Variants in CSMD1 observed in about 807,000 individuals in gnomAD.
The protein encoded by CSMD1 is CUB and sushi domain-containing protein 1.
A neutral mutation model predicts 417.5 loss-of-function variants in CSMD1; 213 were observed. The ratio of observed to expected loss-of-function variants is 0.51; its 90% CI spans 0.46 to 0.57. CSMD1 has a LOEUF of 0.57. Among genes scored for constraint, CSMD1 ranks in the 20% least tolerant of loss-of-function variants. The probability of loss-of-function intolerance (pLI) is 0.00; values close to 1 mark genes in which losing one functional copy is unlikely to be tolerated. For missense variants in CSMD1, 6,923 were observed against 4,529.7 expected, an observed-to-expected ratio of 1.53 and a Z score of -15.17; for synonymous variants, 2,862 against 1,736.8, an observed-to-expected ratio of 1.65 and a Z score of -16.11.
chr8:3,117,254 G>T (rs1489437949), intron 42 of CSMD1, among the ~76,000 whole-genome samples: 3 of 152,048 alleles, frequency 2.0e-5, no homozygotes, highest in Non-Finnish European at 4.4e-5. Context: ...TGTATTTTTA[G>T]TAGAGACGGT....
chr8:3,387,140 G>GT (rs1446099001), intron 18 of CSMD1, among the ~76,000 whole-genome samples: 1 of 152,158 alleles, frequency 6.6e-6, no homozygotes, highest in African/African-American at 2.4e-5. Context: ...ACACTGGGAC[G>GT]TATGTCAGGG....
intron 5 of CSMD1, among the ~76,000 whole-genome samples, chr8:3,914,500 C>G (rs2554681): frequency 0.031 from 4,696 of 152,254 alleles, 241 homozygotes; most frequent in African/African-American, 0.11. Flanking sequence ...TGTGTGCAAT[C>G]TGTGTAAAGT....
rs188457592 is a variant in CSMD1, at chr8:3,822,452, A to T, written c.819-68410T>A. Among the ~76,000 whole-genome samples the T allele has an allele frequency of 2.1e-3, 323 of 152,340 alleles. 1 individual carries two copies. Among genetic ancestry groups the T allele is most frequent in the African/African-American group, 6.3e-3 (262 of 41,572 alleles). ...CTAGAAAAAGAACAATGCCACAAAG[A>T]ACAATAGGTATTCCTAACTGTAATT... On this transcript the variant is annotated intron_variant, in intron 5 of 69. Coordinates refer to ENST00000635120, the MANE Select transcript of CSMD1 (RefSeq NM_033225.6).
At chr8:3,436,245 T>A (rs1814555775) in intron 12 of CSMD1, among the ~76,000 whole-genome samples, 1 of 152,218 alleles carries the variant, frequency 6.6e-6, no homozygotes, top group Non-Finnish European at 1.5e-5. Flanking sequence ...AATTAAAATG[T>A]GACATGAGTC....
intron 8 of CSMD1, among the ~76,000 whole-genome samples, chr8:3,608,265 T>C (rs905589981): frequency 2.6e-5 from 4 of 151,636 alleles, no homozygotes; most frequent in Admixed American, 6.6e-5. Flanking sequence ...AGGACAGATA[T>C]TGCAGCTCAT....
intron 1 of CSMD1, chr8:4,788,548 G>C: frequency 2.2e-6 from 3 of 1,382,934 alleles, no homozygotes; most frequent in Non-Finnish European, 3.0e-6. Context: ...GTATTTCCTT[G>C]AAGCAGGCTG....
intron 2 of CSMD1, among the ~76,000 whole-genome samples, chr8:4,448,809 C>G (rs1426621410): frequency 6.6e-6 from 1 of 152,132 alleles, no homozygotes; most frequent in Non-Finnish European, 1.5e-5. Flanking sequence ...AGACAGAAAC[C>G]TAATTCTGGG....
chr8:3,490,720 G>A (rs1818323656), intron 11 of CSMD1, among the ~76,000 whole-genome samples: 1 of 152,118 alleles, frequency 6.6e-6, no homozygotes, highest in Non-Finnish European at 1.5e-5. Flanking sequence ...TCTTTGACTT[G>A]CAGGCCCCTT....
intron 3 of CSMD1, among the ~76,000 whole-genome samples, chr8:4,036,532 T>A (rs1351596094): frequency 1.3e-5 from 2 of 152,182 alleles, no homozygotes; most frequent in African/African-American, 4.8e-5. Context: ...TACCATAAAA[T>A]TGAATATGAA....
intron 3 of CSMD1, among the ~76,000 whole-genome samples, chr8:4,307,977 C>CA (rs1798341703): frequency 6.6e-6 from 1 of 152,090 alleles, no homozygotes; most frequent in South Asian, 2.1e-4. Flanking sequence ...GAAGAAATTA[C>CA]AGAGGCTCAA....
At chr8:4,718,730 C>T (rs1422464548) in intron 1 of CSMD1, among the ~76,000 whole-genome samples, 1 of 151,832 alleles carries the variant, frequency 6.6e-6, no homozygotes, top group Non-Finnish European at 1.5e-5. Flanking sequence ...ACTAGTTTTT[C>T]TATTAAAAAA....
At chr8:4,225,281 A>C (rs1801280801) in intron 3 of CSMD1, among the ~76,000 whole-genome samples, 1 of 152,162 alleles carries the variant, frequency 6.6e-6, no homozygotes, top group African/African-American at 2.4e-5. Flanking sequence ...AAAAAATATT[A>C]TTTAATCATG....
rs905085487 is a variant in CSMD1, at chr8:4,263,566, A to C, written c.415+156387T>G. Among the ~76,000 whole-genome samples the C allele has an allele frequency of 3.9e-5, 6 of 152,164 alleles. No individual in the cohort carries two copies. In the East Asian group the frequency reaches 1.2e-3, roughly 29 times the overall value. On this transcript the variant is annotated intron_variant, in intron 3 of 69. Transcript: ENST00000635120. ...TTTGATGTCTTTCTTGGAAAGTCAT[A>C]ATCAACAATCATGAGTCAATTTTCA...
intron 7 of CSMD1, among the ~76,000 whole-genome samples, chr8:3,699,371 G>C (rs947836525): frequency 1.3e-5 from 2 of 152,206 alleles, no homozygotes; most frequent in Middle Eastern, 3.4e-3. Flanking sequence ...TTAATTATTT[G>C]TGCTTTTCTC....
intron 8 of CSMD1, among the ~76,000 whole-genome samples, chr8:3,600,066 A>C (rs1273230334): frequency 6.6e-6 from 1 of 152,168 alleles, no homozygotes; most frequent in African/African-American, 2.4e-5. Context: ...GCTGGTTCTG[A>C]ATGCTTGCTG....
Position 3,515,823 on chromosome 8 carries a change from C to G in CSMD1, c.1345-22097G>C, listed in dbSNP as rs888693619. Among the ~76,000 whole-genome samples, 6 of 152,140 alleles carry G rather than the reference C, an allele frequency of 3.9e-5. 1 individual carries two copies. Among genetic ancestry groups the G allele is most frequent in the Admixed American group, 3.9e-4 (6 of 15,268 alleles). On this transcript the variant is annotated intron_variant, in intron 10 of 69. Coordinates refer to ENST00000635120, the MANE Select transcript of CSMD1 (RefSeq NM_033225.6). ...TCATGACACTGGGCAATGGAATTGC[C>G]TATTATACATACGGAAAGAAAACTG... is the stretch of plus-strand genomic sequence containing the variant.
chr8:4,423,780 A>T (rs1797390517), intron 2 of CSMD1, among the ~76,000 whole-genome samples: 1 of 152,050 alleles, frequency 6.6e-6, no homozygotes, highest in African/African-American at 2.4e-5. Context: ...AGAAGAATAA[A>T]GCAGGAGAAA....
intron 1 of CSMD1, among the ~76,000 whole-genome samples, chr8:4,772,356 AAGAAAGTTCTCG>A (rs1796645435): frequency 6.6e-6 from 1 of 152,138 alleles, no homozygotes; most frequent in South Asian, 2.1e-4. Context: ...ACTCCATTCA[AAGAAAGTTCTCG>A]GCCTTTGAGG....
intron 25 of CSMD1, among the ~76,000 whole-genome samples, chr8:3,293,323 G>A (rs1174354203): frequency 1.3e-5 from 2 of 152,064 alleles, no homozygotes; most frequent in Non-Finnish European, 2.9e-5. Context: ...CTCTTCTCGA[G>A]GAGTATCTTT....
Sources: allele counts gnomAD v4.1 joint callset (sites outside exome capture counted in the v4.1 genomes callset), GRCh38; gene constraint gnomAD v4.1.1; transcripts MANE v1.5; gene names NCBI Gene and HGNC (gene_info 2026-07-23, HGNC 2026-07-21).